Variants in DOP1B observed in about 807,000 individuals in gnomAD.
DOP1B encodes the protein DOP1 leucine zipper like protein B.
In DOP1B, 174 loss-of-function variants were observed where a neutral mutation model predicts 233.5. The ratio of observed to expected loss-of-function variants is 0.75; its 90% CI spans 0.66 to 0.85. DOP1B has a LOEUF of 0.85. Ranked by LOEUF, DOP1B falls within the 40% of genes least tolerant of loss-of-function variation. The pLI, the probability that DOP1B is intolerant of heterozygous loss-of-function variation, is 0.00. For synonymous variants in DOP1B, 1,190 were observed against 1,185.6 expected, an observed-to-expected ratio of 1.00 and a Z score of -0.08; for missense variants, 2,652 against 2,846.6, an observed-to-expected ratio of 0.93 and a Z score of 1.56.
At chr21:36,258,826 G>A (rs2123629085) in intron 23 of DOP1B, among the ~76,000 whole-genome samples, 1 of 152,298 alleles carries the variant, frequency 6.6e-6, no homozygotes, top group East Asian at 1.9e-4. Context: ...TAACAGCACT[G>A]CGAGGCCAGG....
rs763706783 is a variant in DOP1B, at chr21:36,293,300, T to C, written c.6646-20T>C. The C allele has an allele frequency of 4.3e-6, 7 of 1,609,862 alleles. No individual in the cohort carries two copies. The highest frequency in any genetic ancestry group is 1.1e-5 in the South Asian group (1 of 90,798). On this transcript the variant is annotated intron_variant, in intron 36 of 36. Coordinates refer to ENST00000691173, the MANE Select transcript of DOP1B (RefSeq NM_001320714.2). ...CCTCAGTAAAACCATATCATTGTTA[T>C]GGGTTTGTTTTTTCTGCAGGAAATC...
intron 15 of DOP1B, among the ~76,000 whole-genome samples, 167 bp downstream of exon 15, chr21:36,233,242 C>T (rs2066788720): frequency 6.6e-6 from 1 of 152,198 alleles, no homozygotes; most frequent in Non-Finnish European, 1.5e-5. Flanking sequence ...CAGCATGTAA[C>T]TTTCACCCTC....
intron 23 of DOP1B, among the ~76,000 whole-genome samples, chr21:36,257,727 T>C (rs1283899658): frequency 2.0e-5 from 3 of 146,706 alleles, no homozygotes; most frequent in African/African-American, 7.8e-5. Context: ...GGTAGGTAGG[T>C]AGATAGATGT....
In DOP1B at chr21:36,271,041, T is replaced by C. The variant is rs139364568; in HGVS notation, c.5632+884T>C. On this transcript the variant is annotated intron_variant, in intron 27 of 36. Transcript: ENST00000691173. ...AAAAAAGAAAACATATATCAAAACATCATGTTATAACCTGAAATGTATACC... is the reference window on the plus strand; with the variant it reads ...AAAAAAGAAAACATATATCAAAACACCATGTTATAACCTGAAATGTATACC... Among the ~76,000 whole-genome samples the C allele has an allele frequency of 5.9e-5, 9 of 151,374 alleles. No individual in the cohort carries two copies. The East Asian group carries it at 1.6e-3, about 26-fold the overall frequency.
chr21:36,251,122 A>G, intron 21 of DOP1B, 40 bp from the exon 22 acceptor site: 1 of 1,596,170 alleles, frequency 6.3e-7, no homozygotes, highest in Non-Finnish European at 8.5e-7. Flanking sequence ...CCATAGCCCC[A>G]ATATTACTCT....
intron 15 of DOP1B, among the ~76,000 whole-genome samples, chr21:36,236,749 C>T (rs1456427079): frequency 6.6e-6 from 1 of 150,576 alleles, no homozygotes; most frequent in Non-Finnish European, 1.5e-5. Context: ...GTGGGTTTTT[C>T]CTTTTTTTCT....
At chr21:36,256,688 ACAT>A (rs2067101514) in intron 23 of DOP1B, among the ~76,000 whole-genome samples, 8 of 152,162 alleles carry the variant, frequency 5.3e-5, no homozygotes, top group Admixed American at 4.6e-4. Context: ...CAGATCCTCA[ACAT>A]GGATGAACCT....
intron 23 of DOP1B, among the ~76,000 whole-genome samples, chr21:36,257,933 A>G (rs905052908): frequency 6.8e-6 from 1 of 146,852 alleles, no homozygotes; most frequent in African/African-American, 2.5e-5. Flanking sequence ...GTACGTAGGT[A>G]GATAGGGAGA....
chr21:36,231,174 T>TA (rs2066760864), intron 14 of DOP1B, 40 bp downstream of exon 14: 1 of 1,539,648 alleles, frequency 6.5e-7, no homozygotes, highest in Admixed American at 2.0e-5. Context: ...TTGGGAATCA[T>TA]ACGATGAGGC....
At chr21:36,288,854 C>T (rs759549399) in intron 34 of DOP1B, 43 bp downstream of exon 34, 15 of 1,535,662 alleles carry the variant, frequency 9.8e-6, no homozygotes, top group South Asian at 9.2e-5. Context: ...AAGATAGTCA[C>T]GATTAAAGCA....
chr21:36,237,171 A>G, intron 15 of DOP1B, 91 bp from the exon 16 acceptor site: 2 of 1,526,200 alleles, frequency 1.3e-6, no homozygotes, highest in South Asian at 2.3e-5. Context: ...GAGATCCAGT[A>G]TGTCGGGGCT....
At position 36,218,743 on chromosome 21, in the gene DOP1B, C is replaced by T. The variant is rs550875128; in HGVS notation, c.1130-629C>T. On this transcript the variant is annotated intron_variant, in intron 9 of 36. Coordinates refer to ENST00000691173, the MANE Select transcript of DOP1B (RefSeq NM_001320714.2). ...GGTAAGAAGTCAGGCCCTCAGCTGCCTGAGGGTTGCGGTTTGCGGAGCAGC... is the reference window on the plus strand; with the variant it reads ...GGTAAGAAGTCAGGCCCTCAGCTGCTTGAGGGTTGCGGTTTGCGGAGCAGC... Among the ~76,000 whole-genome samples the T allele has an allele frequency of 2.1e-4, 32 of 152,294 alleles. No individual in the cohort carries two copies. In the South Asian group the frequency reaches 6.4e-3, roughly 31 times the overall value.
rs1318925825 is a variant in DOP1B, at chr21:36,293,636, AAAG to A, written c.*71_*73del. On this transcript the variant is annotated 3_prime_UTR_variant, in exon 37 of 37. Coordinates refer to ENST00000691173, the MANE Select transcript of DOP1B (RefSeq NM_001320714.2). The stretch of plus-strand genomic sequence containing the variant: ...TTTACTGAAAACCAGGTTATATTCT[AAAG>A]AAGAAAGAAGGCAGGATAGTGCTTT... 2.0e-6 allele frequency: 3 copies of A among 1,515,548 alleles called. No individual in the cohort carries two copies. The East Asian group carries it at 6.8e-5, about 34-fold the overall frequency. 93.9% of individuals were successfully genotyped at this position (1,515,548 alleles called of 1,614,324 possible). A position where few individuals can be genotyped will look rare whatever the true frequency, so the allele number is the denominator to read the frequency against.
intron 11 of DOP1B, 93 bp from the exon 12 acceptor site, chr21:36,225,472 C>T: frequency 1.5e-6 from 2 of 1,368,612 alleles, no homozygotes. Flanking sequence ...CTCAGACAGT[C>T]CACCCATCTC....
chr21:36,218,348 C>G (rs1374047552), intron 9 of DOP1B, among the ~76,000 whole-genome samples: 1 of 152,058 alleles, frequency 6.6e-6, no homozygotes, highest in African/African-American at 2.4e-5. Flanking sequence ...CATGGCAAAA[C>G]CCCACCTCTA....
chr21:36,233,081 T>A lies in DOP1B; in HGVS notation c.2622+6T>A, dbSNP rs769704946. ...AGAAAACAGATTTCTATCAGGTATT[T>A]CCCACTGGGAACACTCTTCTTATGG... is the stretch of plus-strand genomic sequence containing the variant. On this transcript the variant is annotated splice_donor_region_variant and intron_variant, in intron 15 of 36. Coordinates refer to ENST00000691173, the MANE Select transcript of DOP1B (RefSeq NM_001320714.2). 1 of 1,613,628 alleles carries A rather than the reference T, an allele frequency of 6.2e-7. No individual in the cohort carries two copies. Among genetic ancestry groups the A allele is most frequent in the East Asian group, 2.2e-5 (1 of 44,870 alleles).
Position 36,223,274 on chromosome 21 carries a change from G to C in DOP1B, c.1294G>C (p.Val432Leu), listed in dbSNP as rs774922629. ...NRNASEIVKT[V>L]NLLITSLSTD... ...AAATGCCTCTGAGATTGTCAAAACG[G>C]TAAATTTGCTGATAACTTCTCTAAG... Residue 432 changes from valine (V) to leucine (L), a missense_variant, in exon 11 of 37, where the codon GTA (valine) becomes CTA (leucine). This residue lies in a region of DOP1B where 2,617 missense variants were observed against 2,794.3 expected (regional missense o/e 0.94). Coordinates refer to ENST00000691173, the MANE Select transcript of DOP1B (RefSeq NM_001320714.2). 53 of 1,608,386 alleles carry C rather than the reference G, an allele frequency of 3.3e-5. No individual in the cohort carries two copies. The highest frequency in any genetic ancestry group is 4.5e-5 in the Non-Finnish European group (53 of 1,178,604).
At chr21:36,223,754 A>G (rs1323949458) in intron 11 of DOP1B, among the ~76,000 whole-genome samples, 1 of 152,174 alleles carries the variant, frequency 6.6e-6, no homozygotes, top group Non-Finnish European at 1.5e-5. Context: ...CTGGTCAGAT[A>G]AAAGCATTAA....
In DOP1B at chr21:36,288,769, C is replaced by G. The variant is rs565974792; in HGVS notation, c.6311C>G (p.Thr2104Arg). ...TTTTTTTTTCAGATTCAGACATTCA[C>G]ACAGCTTGAAGAAGATCTAAAAGAT... ...IMVSELIQTF[T>R]QLEEDLKDED... is the part of the protein sequence containing the mutation. The change falls in exon 34 of 37, where the codon ACA (threonine) becomes AGA (arginine). Residue 2104 changes from threonine to arginine, a missense_variant. Thr to Arg is a moderately conservative substitution (Grantham distance 71). Around this residue, in one of 3 missense-constraint regions of DOP1B, gnomAD observed 2,617 missense variants for 2,794.3 expected, o/e 0.94. Coordinates refer to ENST00000691173, the MANE Select transcript of DOP1B (RefSeq NM_001320714.2). 42 of 1,611,966 alleles carry G rather than the reference C, an allele frequency of 2.6e-5. No individual in the cohort carries two copies. The highest frequency in any genetic ancestry group is 3.6e-5 in the Non-Finnish European group (42 of 1,178,776).
Sources: gnomAD v4.1 joint callset for allele counts (sites outside exome capture counted in the v4.1 genomes callset) on GRCh38, gnomAD v4.1.1 for gene constraint, gnomAD v4.1.1 regional missense constraint, MANE v1.5 for transcripts, NCBI Gene and HGNC (gene_info 2026-07-23, HGNC 2026-07-21) for gene names.